Variants in SLC6A3 observed in about 807,000 individuals in gnomAD.
The protein encoded by SLC6A3 is sodium-dependent dopamine transporter.
A neutral mutation model predicts 70.4 loss-of-function variants in SLC6A3; 19 were observed. That is an observed-to-expected ratio of 0.27 (90% CI 0.19 to 0.40). The LOEUF (loss-of-function observed/expected upper bound fraction) is 0.40. Ranked by LOEUF, SLC6A3 falls within the 10% of genes least tolerant of loss-of-function variation. SLC6A3 has a pLI of 1.00. For synonymous variants in SLC6A3, 368 were observed against 356.6 expected (o/e 1.03, Z -0.36); for missense variants, 613 against 838.5 (o/e 0.73, Z 3.32).
rs951304781 is a variant in SLC6A3, at chr5:1,438,680, C to T, written c.418+2679G>A. ...GTCCCTTTTTCTCCTGCCCTCCTCA[C>T]CTGAATCCTGCACGTGAAGAGGTGA... On this transcript the variant is annotated intron_variant, in intron 3 of 14. Transcript: ENST00000270349. This position sits in a 1 kb window ranked among gnomAD's most constrained non-coding sequence, Gnocchi z 6.5. Among the ~76,000 whole-genome samples the T allele has an allele frequency of 6.6e-6, 1 of 152,242 alleles. No individual in the cohort carries two copies. Among genetic ancestry groups the T allele is most frequent in the Non-Finnish European group, 1.5e-5 (1 of 68,032 alleles).
rs923642406 is a variant in SLC6A3 at position 1,402,527 on chromosome 5, G to A, written c.1767+395C>T. ...CATACCATAGTGTGTAGGCATGCAT[G>A]CACTCAGTACACACAAACACTTGGA... On this transcript the variant is annotated intron_variant, in intron 13 of 14. Transcript: ENST00000270349. This position sits in a 1 kb window ranked among gnomAD's most constrained non-coding sequence, Gnocchi z 8.5. 6.6e-6 allele frequency among the ~76,000 whole-genome samples: 1 copy of A among 152,066 alleles called. No individual in the cohort carries two copies. The highest frequency in any genetic ancestry group is 2.4e-5 in the African/African-American group (1 of 41,398).
At chr5:1,417,283 A>G (rs1276858579) in intron 6 of SLC6A3, among the ~76,000 whole-genome samples, 3 of 151,836 alleles carry the variant, frequency 2.0e-5, no homozygotes, top group Non-Finnish European at 2.9e-5. Flanking sequence ...CTGAGGCTAC[A>G]TGATGGTGGC....
rs1756773754 is a variant in SLC6A3 at position 1,434,074 on chromosome 5, G to C, written c.419-1376C>G. On this transcript the variant is annotated intron_variant, in intron 3 of 14. Coordinates refer to ENST00000270349, the MANE Select transcript of SLC6A3 (RefSeq NM_001044.5). Reference sequence around the variant, plus strand: ...CTATGGCCATCTGTGGCCATCTATAGCTGCTCATGCCTCTCCTGCAAGACT... The same window carrying C: ...CTATGGCCATCTGTGGCCATCTATACCTGCTCATGCCTCTCCTGCAAGACT... 2.0e-5 allele frequency among the ~76,000 whole-genome samples: 3 copies of C among 152,320 alleles called. 1 individual carries two copies. In the South Asian group the frequency reaches 6.2e-4, roughly 32 times the overall value.
intron 6 of SLC6A3, among the ~76,000 whole-genome samples, chr5:1,416,843 C>T (rs1192075418): frequency 4.0e-5 from 6 of 151,894 alleles, no homozygotes; most frequent in South Asian, 4.2e-4. Context: ...CGGAACAGCA[C>T]GGCCTCATCC....
intron 4 of SLC6A3, among the ~76,000 whole-genome samples, chr5:1,424,667 G>A (rs1756538549): frequency 3.3e-5 from 5 of 152,220 alleles, no homozygotes; most frequent in Admixed American, 3.3e-4. Flanking sequence ...GGAGGCCCAG[G>A]GAAAGTGCGC....
At position 1,421,423 on chromosome 5, in the gene SLC6A3, C is replaced by T. The variant is rs575803372; in HGVS notation, c.792+453G>A. Among the ~76,000 whole-genome samples the T allele has an allele frequency of 8.5e-5, 13 of 152,216 alleles. No individual in the cohort carries two copies. Among genetic ancestry groups the T allele is most frequent in the South Asian group, 2.1e-4 (1 of 4,814 alleles). On this transcript the variant is annotated intron_variant, in intron 5 of 14. Coordinates refer to ENST00000270349, the MANE Select transcript of SLC6A3 (RefSeq NM_001044.5). This position sits in a 1 kb window ranked among gnomAD's most constrained non-coding sequence, Gnocchi z 7.2. The stretch of plus-strand genomic sequence containing the variant: ...AACCCCTGACCTCAGGTGATCTGCC[C>T]GTCTCAGCCTCCCAAAGTATTTTTA...
At chr5:1,420,455 G>T in intron 6 of SLC6A3, 114 bp downstream of exon 6, 1 of 1,275,990 alleles carries the variant, frequency 7.8e-7, no homozygotes, top group Non-Finnish European at 1.1e-6. Flanking sequence ...CCCGAGGAAA[G>T]AACCCTGGTG....
intron 4 of SLC6A3, among the ~76,000 whole-genome samples, chr5:1,426,414 C>A (rs1480175450): frequency 3.9e-5 from 6 of 152,084 alleles, no homozygotes; most frequent in African/African-American, 1.4e-4. Flanking sequence ...GTGTCACATA[C>A]CTGTAGTCCC....
In SLC6A3 at chr5:1,427,867, G is replaced by T. The variant is rs889531029; in HGVS notation, c.653+4597C>A. On this transcript the variant is annotated intron_variant, in intron 4 of 14. Coordinates refer to ENST00000270349, the MANE Select transcript of SLC6A3 (RefSeq NM_001044.5). ...GTGAATGAAGCAAATACTGATAGAA[G>T]TGAAAAGAAATAGACAAATCTACAG... Among the ~76,000 whole-genome samples, 5 of 152,172 alleles carry T rather than the reference G, an allele frequency of 3.3e-5. No homozygotes were observed. The East Asian group carries it at 7.7e-4, about 23-fold the overall frequency.
intron 6 of SLC6A3, among the ~76,000 whole-genome samples, chr5:1,416,967 C>T (rs1419302176): frequency 1.3e-5 from 2 of 151,510 alleles, no homozygotes; most frequent in African/African-American, 4.9e-5. Context: ...CTCATCCACA[C>T]ACAACATGAC....
In SLC6A3 at chr5:1,437,915, T is replaced by A. The variant is rs10063564; in HGVS notation, c.418+3444A>T. 0.19 allele frequency among the ~76,000 whole-genome samples: 29,635 copies of A among 152,210 alleles called. 3,130 individuals are homozygous for A. Among genetic ancestry groups the A allele is most frequent in the Non-Finnish European group, 0.23 (15,778 of 67,996 alleles). On this transcript the variant is annotated intron_variant, in intron 3 of 14. Transcript: ENST00000270349. The surrounding 1 kb of genome is among the most constrained non-coding windows in gnomAD (Gnocchi z 4.8). ...CAATGAGACATGAAAACGTATGCATTTTTATTAACCAGATTTTTAAAAAGG... is the reference window on the plus strand; with the variant it reads ...CAATGAGACATGAAAACGTATGCATATTTATTAACCAGATTTTTAAAAAGG...
chr5:1,421,315 T>C lies in SLC6A3; in HGVS notation c.792+561A>G, dbSNP rs1364062484. Among the ~76,000 whole-genome samples, 1 of 152,008 alleles carries C rather than the reference T, an allele frequency of 6.6e-6. No homozygotes were observed. The highest frequency in any genetic ancestry group is 2.4e-5 in the African/African-American group (1 of 41,384). ...GCCTCAGCCTCCCACGTAGCTGGGA[T>C]TATAGGCACGTGCCACCGTGCCTGG... is the stretch of plus-strand genomic sequence containing the variant. On this transcript the variant is annotated intron_variant, in intron 5 of 14. Transcript: ENST00000270349. This position sits in a 1 kb window ranked among gnomAD's most constrained non-coding sequence, Gnocchi z 7.2.
At position 1,394,655 on chromosome 5, in the gene SLC6A3, C is replaced by G; in HGVS notation, c.*80G>C. 1 of 1,449,940 alleles carries G rather than the reference C, an allele frequency of 6.9e-7. No homozygotes were observed. Among genetic ancestry groups the G allele is most frequent in the Non-Finnish European group, 9.7e-7 (1 of 1,030,416 alleles). The allele number at this position is 1,449,940 out of a possible 1,614,324, so 89.8% of individuals were successfully genotyped here. On this transcript the variant is annotated 3_prime_UTR_variant, in exon 15 of 15. Transcript: ENST00000270349. This position sits in a 1 kb window ranked among gnomAD's most constrained non-coding sequence, Gnocchi z 4.7. ...AAGAGTAGAAGTTGCCCTCCTTTCT[C>G]TCGAAACTTAGATTTCCTTGGTTTG...
intron 2 of SLC6A3, 96 bp from the exon 3 acceptor site, chr5:1,441,586 C>T: frequency 2.1e-6 from 3 of 1,405,086 alleles, no homozygotes; most frequent in Non-Finnish European, 2.9e-6. Flanking sequence ...CCATCCATGT[C>T]CTGGCCCGAC....
intron 12 of SLC6A3, among the ~76,000 whole-genome samples, chr5:1,403,432 C>G (rs902028422): frequency 1.4e-5 from 2 of 138,962 alleles, no homozygotes; most frequent in Non-Finnish European, 3.1e-5. Flanking sequence ...CCCCTCCCAT[C>G]CCATCCTGTT....
In SLC6A3 at chr5:1,443,230, C is replaced by T. The variant is rs1733724715; in HGVS notation, c.-33G>A. 2 of 1,611,620 alleles carry T rather than the reference C, an allele frequency of 1.2e-6. No homozygotes were observed. Among genetic ancestry groups the T allele is most frequent in the African/African-American group, 2.7e-5 (2 of 74,896 alleles). On this transcript the variant is annotated 5_prime_UTR_variant, in exon 2 of 15. Coordinates refer to ENST00000270349, the MANE Select transcript of SLC6A3 (RefSeq NM_001044.5). ...CTGGGAGTTGAGGAATTCTGTGCTTCTTCCCTCTTGGTCTTCAGCCAATAT... is the reference window on the plus strand; with the variant it reads ...CTGGGAGTTGAGGAATTCTGTGCTTTTTCCCTCTTGGTCTTCAGCCAATAT...
intron 2 of SLC6A3, 52 bp from the exon 3 acceptor site, chr5:1,441,542 T>C (rs1733669626): frequency 6.3e-7 from 1 of 1,597,772 alleles, no homozygotes; most frequent in Non-Finnish European, 8.5e-7. Flanking sequence ...GGCCCATCTC[T>C]CCTCGTGGGA....
At chr5:1,430,616 A>C (rs978237925) in intron 4 of SLC6A3, among the ~76,000 whole-genome samples, 1 of 152,184 alleles carries the variant, frequency 6.6e-6, no homozygotes, top group Non-Finnish European at 1.5e-5. Flanking sequence ...CAAGACCCCC[A>C]GGAGAGGGCG....
At position 1,437,811 on chromosome 5, in the gene SLC6A3, C is replaced by A. The variant is rs1756874243; in HGVS notation, c.418+3548G>T. On this transcript the variant is annotated intron_variant, in intron 3 of 14. Transcript: ENST00000270349. This position sits in a 1 kb window ranked among gnomAD's most constrained non-coding sequence, Gnocchi z 4.8. The stretch of plus-strand genomic sequence containing the variant: ...CCATGGAATTGCCACCTGCTCAGGG[C>A]TGGATGGCCTTTTAGCTCCACAATG... 6.6e-6 allele frequency among the ~76,000 whole-genome samples: 1 copy of A among 152,266 alleles called. No homozygotes were observed.
Sources: gnomAD v4.1 joint callset for allele counts (sites outside exome capture counted in the v4.1 genomes callset) on GRCh38, gnomAD v4.1.1 for gene constraint, Gnocchi (gnomAD v3.1) non-coding constraint, MANE v1.5 for transcripts, NCBI Gene and HGNC (gene_info 2026-07-23, HGNC 2026-07-21) for gene names.